The following SCN10A variants were observed in gnomAD, a reference collection of about 807,000 sequenced individuals.
SCN10A encodes sodium channel protein type 10 subunit alpha.
In SCN10A, 162 loss-of-function variants were observed where a neutral mutation model predicts 170.7. That is an observed-to-expected ratio of 0.95 (90% CI 0.84 to 1.08). The LOEUF is 1.08. Ranked by LOEUF, SCN10A falls within the 50% of genes least tolerant of loss-of-function variation. SCN10A has a pLI of 0.00. For synonymous variants in SCN10A, 985 were observed against 904.6 expected, an observed-to-expected ratio of 1.09 and a Z score of -1.59; for missense variants, 2,527 against 2,436.9, an observed-to-expected ratio of 1.04 and a Z score of -0.78.
At chr3:38,776,148 T>C (rs1324961396) in intron 4 of SCN10A, among the ~76,000 whole-genome samples, 1 of 152,094 alleles carries the variant, frequency 6.6e-6, no homozygotes. Flanking sequence ...ATTGGTCCAA[T>C]AAAATTCAAT....
chr3:38,776,083 A>G (rs2064070399), intron 4 of SCN10A, among the ~76,000 whole-genome samples: 1 of 152,100 alleles, frequency 6.6e-6, no homozygotes, highest in African/African-American at 2.4e-5. Context: ...GCTTTATATC[A>G]TTACTTGACA....
intron 1 of SCN10A, among the ~76,000 whole-genome samples, chr3:38,797,461 C>G (rs537678593): frequency 8.3e-4 from 126 of 152,266 alleles, no homozygotes; most frequent in Middle Eastern, 3.4e-3. Context: ...CTGTTTCTTA[C>G]GGAACTTTTC....
chr3:38,753,408 C>T (rs546589893), intron 11 of SCN10A, among the ~76,000 whole-genome samples: 6 of 152,262 alleles, frequency 3.9e-5, no homozygotes, highest in African/African-American at 1.4e-4. Context: ...CGATTTATTC[C>T]ACTCACCTTC....
chr3:38,786,485 G>A (rs1214246728), intron 4 of SCN10A, among the ~76,000 whole-genome samples: 1 of 152,090 alleles, frequency 6.6e-6, no homozygotes, highest in Non-Finnish European at 1.5e-5. Context: ...TTGAGGGGTT[G>A]GGGGCTAGGG....
intron 21 of SCN10A, among the ~76,000 whole-genome samples, chr3:38,716,684 A>G (rs957281858): frequency 6.6e-6 from 1 of 152,258 alleles, no homozygotes; most frequent in Non-Finnish European, 1.5e-5. Context: ...AGATAGTTGA[A>G]TGGAAGGATG....
In SCN10A at chr3:38,771,259, C is replaced by T. The variant is rs777667084; in HGVS notation, c.599+20G>A. The T allele has an allele frequency of 6.2e-7, 1 of 1,612,572 alleles. No homozygotes were observed. The highest frequency in any genetic ancestry group is 8.5e-7 in the Non-Finnish European group (1 of 1,179,172). On this transcript the variant is annotated intron_variant, in intron 5 of 27. Coordinates refer to ENST00000449082, the MANE Select transcript of SCN10A (RefSeq NM_006514.4). ...CCCCTCTCCTATCACACATGCAGATCTGCATAGAGATATACTCACGCCAGG... is the reference window on the plus strand; with the variant it reads ...CCCCTCTCCTATCACACATGCAGATTTGCATAGAGATATACTCACGCCAGG...
chr3:38,789,390 A>G (rs1019521732), intron 3 of SCN10A, among the ~76,000 whole-genome samples: 2 of 152,170 alleles, frequency 1.3e-5, no homozygotes, highest in Admixed American at 1.3e-4. Flanking sequence ...TGAGCAAGAT[A>G]GAAGGAAACA....
At chr3:38,784,058 T>C (rs2064169758) in intron 4 of SCN10A, among the ~76,000 whole-genome samples, 1 of 152,146 alleles carries the variant, frequency 6.6e-6, no homozygotes, top group Admixed American at 6.6e-5. Flanking sequence ...TGTTCTGACA[T>C]TTTTCTAATT....
chr3:38,759,736 TG>T (rs1490883845), intron 8 of SCN10A, among the ~76,000 whole-genome samples: 9 of 152,328 alleles, frequency 5.9e-5, no homozygotes, highest in African/African-American at 2.2e-4. Context: ...TTTTAAAAGT[TG>T]GAAGAGCTGG....
At chr3:38,789,839 C>G (rs2064257490) in intron 3 of SCN10A, among the ~76,000 whole-genome samples, 2 of 152,084 alleles carry the variant, frequency 1.3e-5, no homozygotes, top group Admixed American at 6.6e-5. Flanking sequence ...TGGGGAGAAT[C>G]TAAAGGTAAA....
intron 23 of SCN10A, 76 bp from the exon 24 acceptor site, chr3:38,710,973 C>G: frequency 1.6e-6 from 2 of 1,282,136 alleles, no homozygotes; most frequent in Non-Finnish European, 2.2e-6. Context: ...CATGGTGGCC[C>G]AGTGAGAGAG....
intron 1 of SCN10A, among the ~76,000 whole-genome samples, chr3:38,807,526 A>G (rs1173323518): frequency 6.6e-6 from 1 of 151,952 alleles, no homozygotes; most frequent in Admixed American, 6.6e-5. Context: ...TGGCCGCTCT[A>G]TTTTTCTTGA....
At chr3:38,782,975 G>T (rs959640144) in intron 4 of SCN10A, among the ~76,000 whole-genome samples, 1 of 152,060 alleles carries the variant, frequency 6.6e-6, no homozygotes, top group Non-Finnish European at 1.5e-5. Context: ...CCTGAGATTG[G>T]GATGTCAGCA....
intron 13 of SCN10A, among the ~76,000 whole-genome samples, chr3:38,744,675 T>C (rs1019392429): frequency 6.6e-6 from 1 of 152,166 alleles, no homozygotes; most frequent in African/African-American, 2.4e-5. Context: ...AAAACTTTGG[T>C]GCATTTGAAA....
rs774545314 is a variant in SCN10A at position 38,728,903 on chromosome 3, T to A, written c.2281-2A>T. 6.2e-7 allele frequency: 1 copy of A among 1,601,666 alleles called. No homozygotes were observed. The highest frequency in any genetic ancestry group is 2.2e-5 in the East Asian group (1 of 44,602). ...TTTGGCCAGCTTGAATACGCGCAGC[T>A]GCAGAGAAACAGAGACCGTCAGGTT... On this transcript the variant is annotated splice_acceptor_variant, in intron 15 of 27. Coordinates refer to ENST00000449082, the MANE Select transcript of SCN10A (RefSeq NM_006514.4). LOFTEE classifies it high-confidence loss of function.
chr3:38,733,972 C>A (rs529879143), intron 15 of SCN10A, among the ~76,000 whole-genome samples: 4 of 151,702 alleles, frequency 2.6e-5, no homozygotes, highest in African/African-American at 7.3e-5. Context: ...CGCCTGCCTG[C>A]GCCTCCAACA....
At chr3:38,713,628 C>T (rs533152242) in intron 22 of SCN10A, among the ~76,000 whole-genome samples, 18 of 152,162 alleles carry the variant, frequency 1.2e-4, no homozygotes, top group African/African-American at 4.1e-4. Flanking sequence ...GGCCCCGGAG[C>T]TCAGGGTTGG....
chr3:38,709,890 C>T (rs1024373904), intron 24 of SCN10A, among the ~76,000 whole-genome samples: 1 of 151,972 alleles, frequency 6.6e-6, no homozygotes, highest in Non-Finnish European at 1.5e-5. Flanking sequence ...GATTATATCA[C>T]CAAGGGACAG....
intron 2 of SCN10A, 67 bp downstream of exon 2, chr3:38,793,674 G>T (rs2064313477): frequency 6.5e-7 from 1 of 1,548,918 alleles, no homozygotes; most frequent in African/African-American, 1.4e-5. Context: ...AGGACTTTCT[G>T]GGCTGGGTGG....
Sources: gnomAD v4.1 joint callset for allele counts (sites outside exome capture counted in the v4.1 genomes callset) on GRCh38, gnomAD v4.1.1 for gene constraint, MANE v1.5 for transcripts, NCBI Gene and HGNC (gene_info 2026-07-23, HGNC 2026-07-21) for gene names.